FBN3: variants seen among roughly 807,000 people sequenced by gnomAD.
FBN3 encodes fibrillin-3.
A neutral mutation model predicts 330.1 loss-of-function variants in FBN3; 234 were observed. The observed-to-expected ratio is 0.71, with a 90% CI of 0.64 to 0.79. The LOEUF is 0.79. Among genes scored for constraint, FBN3 ranks in the 30% least tolerant of loss-of-function variants. The pLI is 0.00. For missense variants in FBN3, 3,606 were observed against 3,886.9 expected (o/e 0.93, Z 1.92); for synonymous variants, 1,458 against 1,517.3 (o/e 0.96, Z 0.91).
rs1030848935 is a variant in FBN3, at chr19:8,109,104, C to A, written c.4618+123G>T. The A allele has an allele frequency of 1.1e-6, 1 of 874,156 alleles. No individual in the cohort carries two copies. The highest frequency in any genetic ancestry group is 2.6e-5 in the East Asian group (1 of 38,262). 54.1% of individuals were successfully genotyped at this position (874,156 alleles called of 1,614,324 possible). A position where few individuals can be genotyped will look rare whatever the true frequency, so the allele number is the denominator to read the frequency against. On this transcript the variant is annotated intron_variant, in intron 36 of 63. Coordinates refer to ENST00000600128, the MANE Select transcript of FBN3 (RefSeq NM_032447.5). The surrounding 1 kb of genome is among the most constrained non-coding windows in gnomAD (Gnocchi z 5.2). ...TGACCCAGGATGAGCCCCTCTCCTC[C>A]CCCAGTTCTTGGTTTTCCTGTCGCC... is the stretch of plus-strand genomic sequence containing the variant.
intron 22 of FBN3, among the ~76,000 whole-genome samples, chr19:8,125,611 T>C (rs1384699861): frequency 6.6e-6 from 1 of 151,788 alleles, no homozygotes; most frequent in Admixed American, 6.6e-5. Flanking sequence ...GCCAACATGG[T>C]GAAACCCCAT....
chr19:8,125,432 A>G (rs575340673), intron 22 of FBN3, among the ~76,000 whole-genome samples: 1 of 146,294 alleles, frequency 6.8e-6, no homozygotes, highest in South Asian at 2.2e-4. Flanking sequence ...AGAAAAAAAA[A>G]CCCACCCAAA....
At chr19:8,081,857 C>A (rs2081793952) in intron 57 of FBN3, among the ~76,000 whole-genome samples, 1 of 151,108 alleles carries the variant, frequency 6.6e-6, no homozygotes, top group African/African-American at 2.4e-5. Context: ...TGAAAAATAT[C>A]AGGATGTGCA....
chr19:8,075,245 C>T (rs754484605), intron 60 of FBN3, 38 bp downstream of exon 60: 9 of 1,590,426 alleles, frequency 5.7e-6, no homozygotes, highest in Admixed American at 1.7e-5. Flanking sequence ...AGGACCAACA[C>T]CCCCAAACAC....
At chr19:8,140,818 C>A (rs2083392837) in intron 8 of FBN3, among the ~76,000 whole-genome samples, 1 of 151,954 alleles carries the variant, frequency 6.6e-6, no homozygotes, top group Non-Finnish European at 1.5e-5. Flanking sequence ...TGAGAGAGGA[C>A]CCCCCGCAGT....
At chr19:8,146,071 C>T (rs2145067590) in intron 4 of FBN3, 56 bp downstream of exon 4, 4 of 1,532,308 alleles carry the variant, frequency 2.6e-6, no homozygotes, top group Non-Finnish European at 2.7e-6. Context: ...CTCCTCGTGG[C>T]AACCAGAACC....
Position 8,133,054 on chromosome 19 carries a change from G to A in FBN3, c.1644C>T (p.Asn548=), listed in dbSNP as rs761124695. Residue 548 remains asparagine, a synonymous_variant, in exon 14 of 64, where the codon AAC becomes AAT. Transcript: ENST00000600128. ...STMCVNGVCL[N]EDGSFSCLCK... is the part of the protein sequence containing the mutation. Reference sequence around the variant, plus strand: ...AGAGGCAGGAGAAGCTGCCATCCTCGTTGAGACACACGCCGTTGACGCACA... The same window carrying A: ...AGAGGCAGGAGAAGCTGCCATCCTCATTGAGACACACGCCGTTGACGCACA... 13 of 1,586,896 alleles carry A rather than the reference G, an allele frequency of 8.2e-6. 1 individual carries two copies. The highest frequency in any genetic ancestry group is 3.6e-5 in the Admixed American group (2 of 55,544).
At chr19:8,088,545 A>G (rs2082018738) in intron 51 of FBN3, among the ~76,000 whole-genome samples, 1 of 152,250 alleles carries the variant, frequency 6.6e-6, no homozygotes, top group African/African-American at 2.4e-5. Flanking sequence ...TCTAAAAAAC[A>G]TATAAATGAG....
At chr19:8,104,181 AAAC>A (rs1184301935) in intron 38 of FBN3, among the ~76,000 whole-genome samples, 60 of 151,624 alleles carry the variant, frequency 4.0e-4, no homozygotes, top group African/African-American at 1.4e-3. Flanking sequence ...AAAAAAAAAA[AAAC>A]ATTTACAAGC....
rs973461476 is a variant in FBN3 at position 8,086,420 on chromosome 19, C to T, written c.6755-95G>A. On this transcript the variant is annotated intron_variant, in intron 54 of 63. Coordinates refer to ENST00000600128, the MANE Select transcript of FBN3 (RefSeq NM_032447.5). ...GGGCCCCTTTGGATCTGCCCAGGCCCTCTTGCTTATTTTTATTTTATTTAT... is the reference window on the plus strand; with the variant it reads ...GGGCCCCTTTGGATCTGCCCAGGCCTTCTTGCTTATTTTTATTTTATTTAT... 7 of 614,902 alleles carry T rather than the reference C, an allele frequency of 1.1e-5. No homozygotes were observed. The Admixed American group carries it at 1.9e-4, about 17-fold the overall frequency. 38.1% of individuals were successfully genotyped at this position (614,902 alleles called of 1,614,324 possible). A position where few individuals can be genotyped will look rare whatever the true frequency, so the allele number is the denominator to read the frequency against.
At chr19:8,145,171 C>T (rs12980636) in intron 5 of FBN3, among the ~76,000 whole-genome samples, 199 bp from the exon 6 acceptor site, 55,876 of 151,670 alleles carry the variant, frequency 0.37, 11,408 homozygotes, top group African/African-American at 0.55. Flanking sequence ...GTCAGGGGTT[C>T]GAGACCAGCC....
intron 62 of FBN3, 57 bp downstream of exon 62, chr19:8,073,006 T>A: frequency 2.2e-4 from 208 of 964,192 alleles, no homozygotes; most frequent in Non-Finnish European, 3.2e-4. Context: ...TGTGTGTGCG[T>A]GCGTGCATGG....
rs758938523 is a variant in FBN3, at chr19:8,091,563, T to G, written c.5933A>C (p.Asn1978Thr). 1 of 1,613,888 alleles carries G rather than the reference T, an allele frequency of 6.2e-7. No homozygotes were observed. The highest frequency in any genetic ancestry group is 1.1e-5 in the South Asian group (1 of 91,070). The change falls in exon 48 of 64, where the codon AAC becomes ACC. Residue 1978 changes from asparagine to threonine, a missense_variant. Asn to Thr is a moderately conservative substitution (Grantham distance 65, BLOSUM62 0). Coordinates refer to ENST00000600128, the MANE Select transcript of FBN3 (RefSeq NM_032447.5). The stretch of plus-strand genomic sequence containing the variant: ...GGTACAGGTGCCAAAGAGGCAGAGG[T>G]TGGGCTCCTCTGAGCACTCGTCGAT... The part of the protein sequence containing the change: ...IDIDECSEEP[N>T]LCLFGTCTNS...
Position 8,073,268 on chromosome 19 carries a change from TG to T in FBN3, c.7731del (p.Thr2578ProfsTer120). The T allele has an allele frequency of 1.2e-6, 2 of 1,611,708 alleles. No individual in the cohort carries two copies. Among genetic ancestry groups the T allele is most frequent in the Non-Finnish European group, 1.7e-6 (2 of 1,179,312 alleles). On this transcript the variant is annotated frameshift_variant, in exon 62 of 64. Coordinates refer to ENST00000600128, the MANE Select transcript of FBN3 (RefSeq NM_032447.5). LOFTEE classifies it high-confidence loss of function. ...TTGCGACAGGAGGCGCTCCCGCAGGTGGGGGGCGACAGGGCACACTCATTCT... is the reference window on the plus strand; with the variant it reads ...TTGCGACAGGAGGCGCTCCCGCAGGTGGGGGCGACAGGGCACACTCATTCT... ...VDENECALSP[P>X]TCGSASCRNT... is the part of the protein sequence containing the mutation.
intron 13 of FBN3, among the ~76,000 whole-genome samples, chr19:8,134,655 C>G (rs551300863): frequency 6.6e-6 from 1 of 152,098 alleles, no homozygotes; most frequent in Non-Finnish European, 1.5e-5. Flanking sequence ...AATACATGGC[C>G]GGGCGCAATG....
At position 8,112,661 on chromosome 19, in the gene FBN3, T is replaced by C. The variant is rs577920860; in HGVS notation, c.3839-562A>G. ...TGAGACTCCGTCTCAAAAAAATAAATAAATAAAAAAATAAAAAAGTGACTG... is the reference window on the plus strand; with the variant it reads ...TGAGACTCCGTCTCAAAAAAATAAACAAATAAAAAAATAAAAAAGTGACTG... On this transcript the variant is annotated intron_variant, in intron 30 of 63. Transcript: ENST00000600128. 3.3e-5 allele frequency among the ~76,000 whole-genome samples: 5 copies of C among 151,870 alleles called. No homozygotes were observed. In the South Asian group the frequency reaches 1.0e-3, roughly 32 times the overall value.
chr19:8,130,771 A>G (rs916574291), intron 16 of FBN3, among the ~76,000 whole-genome samples: 8 of 151,366 alleles, frequency 5.3e-5, no homozygotes, highest in Non-Finnish European at 1.0e-4. Flanking sequence ...AGGTGGTATC[A>G]CTTGAGCCCA....
intron 34 of FBN3, 80 bp downstream of exon 34, chr19:8,110,765 G>A: frequency 1.3e-6 from 2 of 1,566,064 alleles, no homozygotes; most frequent in Admixed American, 3.4e-5. Flanking sequence ...AGAGATCTGA[G>A]GGCAGTGAGG....
intron 57 of FBN3, among the ~76,000 whole-genome samples, chr19:8,082,313 C>CTT (rs966456027): frequency 1.3e-5 from 2 of 151,108 alleles, no homozygotes; most frequent in African/African-American, 4.9e-5. Context: ...TTCTCCCTTT[C>CTT]TCTTTCTTTC....
Sources: allele counts gnomAD v4.1 joint callset (sites outside exome capture counted in the v4.1 genomes callset), GRCh38; gene constraint gnomAD v4.1.1; non-coding constraint Gnocchi (gnomAD v3.1); transcripts MANE v1.5; gene names NCBI Gene and HGNC (gene_info 2026-07-23, HGNC 2026-07-21).